WDR70: variants seen among roughly 807,000 people sequenced by gnomAD.
The protein encoded by WDR70 is WD repeat-containing protein 70.
A neutral mutation model predicts 88.6 loss-of-function variants in WDR70; 53 were observed. The ratio of observed to expected loss-of-function variants is 0.60; its 90% CI spans 0.48 to 0.75. WDR70 has a LOEUF of 0.75. WDR70 is among the 30% of genes least tolerant of loss of function. The pLI, the probability that WDR70 is intolerant of heterozygous loss-of-function variation, is 0.00. For missense variants in WDR70, 610 were observed against 823.2 expected, an observed-to-expected ratio of 0.74 and a Z score of 3.17; for synonymous variants, 280 against 270.0, an observed-to-expected ratio of 1.04 and a Z score of -0.36.
intron 17 of WDR70, among the ~76,000 whole-genome samples, chr5:37,738,865 T>C (rs1295618159): frequency 6.6e-6 from 1 of 152,240 alleles, no homozygotes; most frequent in Non-Finnish European, 1.5e-5. Flanking sequence ...GACATTTGCT[T>C]AAGCTTTTCT....
At chr5:37,606,908 C>T (rs1337273014) in intron 10 of WDR70, among the ~76,000 whole-genome samples, 1 of 62,930 alleles carries the variant, frequency 1.6e-5, no homozygotes, top group Non-Finnish European at 3.0e-5. Flanking sequence ...CTCCCCTCCC[C>T]TCCCCTCCCC....
intron 13 of WDR70, among the ~76,000 whole-genome samples, chr5:37,703,454 A>T (rs775137914): frequency 4.6e-5 from 7 of 152,240 alleles, no homozygotes; most frequent in Non-Finnish European, 1.0e-4. Flanking sequence ...TTAATAAGTG[A>T]CGAAGTTTAA....
intron 10 of WDR70, among the ~76,000 whole-genome samples, chr5:37,625,111 C>T (rs1581445197): frequency 6.6e-6 from 1 of 152,094 alleles, no homozygotes; most frequent in Admixed American, 6.5e-5. Context: ...GACAGGAGGG[C>T]AGGAGAAAGA....
At chr5:37,497,648 A>C (rs926621102) in intron 8 of WDR70, among the ~76,000 whole-genome samples, 3 of 151,984 alleles carry the variant, frequency 2.0e-5, no homozygotes, top group African/African-American at 7.3e-5. Context: ...TGCCCTCGAT[A>C]ATAGGTATTT....
At chr5:37,742,390 A>G (rs906806641) in intron 17 of WDR70, among the ~76,000 whole-genome samples, 7 of 150,514 alleles carry the variant, frequency 4.7e-5, no homozygotes, top group Admixed American at 6.7e-5. Flanking sequence ...GGCTATTTGT[A>G]TATCTTTGGA....
At chr5:37,470,891 C>CT (rs200827780) in intron 7 of WDR70, among the ~76,000 whole-genome samples, 194 of 145,252 alleles carry the variant, frequency 1.3e-3, no homozygotes, top group Middle Eastern at 3.5e-3. Context: ...GCAAGTACTT[C>CT]TTTTTTTTTT....
intron 9 of WDR70, among the ~76,000 whole-genome samples, chr5:37,593,798 C>G (rs1743611897): frequency 6.6e-6 from 1 of 152,206 alleles, no homozygotes; most frequent in South Asian, 2.1e-4. Context: ...TCTCTACATC[C>G]TCTCCAGCAT....
At chr5:37,402,612 A>C (rs970346092) in intron 5 of WDR70, among the ~76,000 whole-genome samples, 4 of 152,152 alleles carry the variant, frequency 2.6e-5, no homozygotes, top group African/African-American at 4.8e-5. Context: ...CAGGATATCC[A>C]TCACCTTAAA....
intron 10 of WDR70, among the ~76,000 whole-genome samples, chr5:37,615,402 GATTTTACTCACAGGGAATAC>G (rs1561923833): frequency 1.3e-5 from 2 of 151,968 alleles, no homozygotes; most frequent in Admixed American, 6.6e-5. Flanking sequence ...ATATAGAGAA[GATTTTACTCACAGGGAATAC>G]AATAGGAAAC....
At chr5:37,463,508 G>C (rs1283220271) in intron 7 of WDR70, among the ~76,000 whole-genome samples, 2 of 152,170 alleles carry the variant, frequency 1.3e-5, no homozygotes, top group East Asian at 3.9e-4. Context: ...CTACTTAAAA[G>C]GATCCTCAAT....
At chr5:37,462,549 G>A (rs879654518) in intron 7 of WDR70, among the ~76,000 whole-genome samples, 53 of 152,146 alleles carry the variant, frequency 3.5e-4, no homozygotes, top group Non-Finnish European at 5.7e-4. Context: ...TGATCCGCCC[G>A]CCTCGGCCTC....
rs1284769550 is a variant in WDR70, at chr5:37,680,937, G to T, written c.1093-16718G>T. 2.0e-5 allele frequency among the ~76,000 whole-genome samples: 3 copies of T among 152,054 alleles called. No individual in the cohort carries two copies. In the East Asian group the frequency reaches 5.8e-4, roughly 29 times the overall value. ...AATGGCTTTAAATAATGTTAAAATAGAAATAGTTTTAAAATAGTTTTTTCT... is the reference window on the plus strand; with the variant it reads ...AATGGCTTTAAATAATGTTAAAATATAAATAGTTTTAAAATAGTTTTTTCT... On this transcript the variant is annotated intron_variant, in intron 10 of 17. Coordinates refer to ENST00000265107, the MANE Select transcript of WDR70 (RefSeq NM_018034.4).
chr5:37,556,139 CTTTT>C (rs200323949), intron 9 of WDR70, among the ~76,000 whole-genome samples: 3 of 143,844 alleles, frequency 2.1e-5, no homozygotes, highest in Non-Finnish European at 3.0e-5. Flanking sequence ...TTTTCTTCCT[CTTTT>C]TTTTTTTTTT....
chr5:37,598,466 G>A (rs1350899550), intron 9 of WDR70, among the ~76,000 whole-genome samples: 1 of 152,076 alleles, frequency 6.6e-6, no homozygotes, highest in Admixed American at 6.6e-5. Context: ...ATAAATACCA[G>A]GTCTTTTCTG....
rs908094550 is a variant in WDR70, at chr5:37,650,306, G to T, written c.1092+45068G>T. Among the ~76,000 whole-genome samples the T allele has an allele frequency of 9.2e-5, 14 of 151,730 alleles. No individual in the cohort carries two copies. The East Asian group carries it at 2.8e-3, about 30-fold the overall frequency. On this transcript the variant is annotated intron_variant, in intron 10 of 17. Coordinates refer to ENST00000265107, the MANE Select transcript of WDR70 (RefSeq NM_018034.4). ...GTCCCAGCTACTCAGGAGGCTGAGC[G>T]GGGAGGATGGTGTGAACCCAGGAGG... is the stretch of plus-strand genomic sequence containing the variant.
chr5:37,666,056 C>G (rs1349060031), intron 10 of WDR70, among the ~76,000 whole-genome samples: 1 of 152,240 alleles, frequency 6.6e-6, no homozygotes, highest in South Asian at 2.1e-4. Context: ...AGCATCGGCT[C>G]TCTTTGAAGG....
At chr5:37,463,619 G>T (rs556852405) in intron 7 of WDR70, among the ~76,000 whole-genome samples, 3 of 152,266 alleles carry the variant, frequency 2.0e-5, no homozygotes, top group African/African-American at 7.2e-5. Flanking sequence ...CCTTCCTCTG[G>T]TGTCAAGAGT....
chr5:37,607,352 GTAGT>G (rs139042904), intron 10 of WDR70, among the ~76,000 whole-genome samples: 1,604 of 152,166 alleles, frequency 0.011, 22 homozygotes, highest in African/African-American at 0.036. Flanking sequence ...TTTCCAAACA[GTAGT>G]TAAATAATTA....
At chr5:37,592,030 T>C (rs934591953) in intron 9 of WDR70, among the ~76,000 whole-genome samples, 3 of 152,220 alleles carry the variant, frequency 2.0e-5, no homozygotes, top group Non-Finnish European at 4.4e-5. Context: ...TTCTTAGTTC[T>C]GATAAAGGGC....
Sources: gnomAD v4.1 joint callset for allele counts (sites outside exome capture counted in the v4.1 genomes callset) on GRCh38, gnomAD v4.1.1 for gene constraint, MANE v1.5 for transcripts, NCBI Gene and HGNC (gene_info 2026-07-23, HGNC 2026-07-21) for gene names.